The following CLEC2B variants were observed in gnomAD, a reference collection of about 807,000 sequenced individuals.
CLEC2B encodes C-type (calcium dependent, carbohydrate-recognition domain) lectin, superfamily member 2 (activation-induced).
A neutral mutation model predicts 16.2 loss-of-function variants in CLEC2B; 14 were observed. The observed-to-expected ratio is 0.86, with a 90% CI of 0.57 to 1.35. The LOEUF (loss-of-function observed/expected upper bound fraction) is 1.35. Ranked by LOEUF, CLEC2B falls within the 40% of genes most tolerant of loss-of-function variation. The pLI, the probability that CLEC2B is intolerant of heterozygous loss-of-function variation, is 0.00. For missense variants in CLEC2B, 166 were observed against 182.3 expected (o/e 0.91, Z 0.52); for synonymous variants, 42 against 55.8 (o/e 0.75, Z 1.10).
chr12:9,867,737 G>T (rs1047852149), intron 1 of CLEC2B, among the ~76,000 whole-genome samples: 5 of 152,080 alleles, frequency 3.3e-5, no homozygotes, highest in Non-Finnish European at 4.4e-5. Context: ...GAGAACAATG[G>T]ATTTAATTAA....
chr12:9,863,296 A>G (rs370014691), intron 1 of CLEC2B, among the ~76,000 whole-genome samples: 1 of 151,852 alleles, frequency 6.6e-6, no homozygotes, highest in East Asian at 1.9e-4. Flanking sequence ...CCCCACCCCC[A>G]AAAAAATCGA....
At chr12:9,866,305 C>T (rs1160111694) in intron 1 of CLEC2B, among the ~76,000 whole-genome samples, 1 of 152,040 alleles carries the variant, frequency 6.6e-6, no homozygotes, top group Non-Finnish European at 1.5e-5. Flanking sequence ...GTCAGTATGT[C>T]ATTCCGTTTT....
At chr12:9,865,199 A>G (rs1867961911) in intron 1 of CLEC2B, among the ~76,000 whole-genome samples, 2 of 139,784 alleles carry the variant, frequency 1.4e-5, no homozygotes, top group Non-Finnish European at 1.6e-5. Flanking sequence ...AAAAAAAAAA[A>G]AAGCATAAAG....
In CLEC2B at chr12:9,857,652, A is replaced by AAT; in HGVS notation, c.74-17_74-16dup. 6.3e-7 allele frequency: 1 copy of AAT among 1,583,054 alleles called. No individual in the cohort carries two copies. The highest frequency in any genetic ancestry group is 1.1e-5 in the South Asian group (1 of 90,296). The stretch of plus-strand genomic sequence containing the variant: ...AGTTAGTTTAACTGGAAATGAGACA[A>AAT]ATATATATCTTAAGTACCATATAGA... On this transcript the variant is annotated splice_polypyrimidine_tract_variant and intron_variant, in intron 2 of 4. Transcript: ENST00000228438.
chr12:9,868,428 C>G (rs912202244), intron 1 of CLEC2B, among the ~76,000 whole-genome samples: 1 of 151,924 alleles, frequency 6.6e-6, no homozygotes, highest in Non-Finnish European at 1.5e-5. Context: ...TTTTTTTGAC[C>G]GTAGCATACG....
chr12:9,853,781 A>C (rs561318597), intron 4 of CLEC2B, among the ~76,000 whole-genome samples: 2 of 152,264 alleles, frequency 1.3e-5, no homozygotes, highest in Admixed American at 6.5e-5. Flanking sequence ...GGGTGCTGCC[A>C]ATGCCCTACA....
rs1202689137 is a variant in CLEC2B at position 9,858,731 on chromosome 12, T to G, written c.74-1094A>C. On this transcript the variant is annotated intron_variant, in intron 2 of 4. Coordinates refer to ENST00000228438, the MANE Select transcript of CLEC2B (RefSeq NM_005127.3). ...AGGTATGTGTACATATAAGGGTGTATATATACATATACACACATATGTGTA... is the reference window on the plus strand; with the variant it reads ...AGGTATGTGTACATATAAGGGTGTAGATATACATATACACACATATGTGTA... 3.3e-5 allele frequency among the ~76,000 whole-genome samples: 5 copies of G among 151,832 alleles called. No homozygotes were observed. The East Asian group carries it at 9.6e-4, about 29-fold the overall frequency.
chr12:9,856,314 ACAGT>A (rs1162986405), intron 3 of CLEC2B, among the ~76,000 whole-genome samples: 1 of 152,054 alleles, frequency 6.6e-6, no homozygotes, highest in African/African-American at 2.4e-5. Flanking sequence ...ACTGTAAGGA[ACAGT>A]CAGAGTGTTT....
chr12:9,867,796 A>T (rs1042767005), intron 1 of CLEC2B, among the ~76,000 whole-genome samples: 1 of 152,124 alleles, frequency 6.6e-6, no homozygotes, highest in African/African-American at 2.4e-5. Flanking sequence ...CTAAACAGTT[A>T]AGGACTGCAA....
chr12:9,864,149 AT>A (rs1430682986), intron 1 of CLEC2B, among the ~76,000 whole-genome samples: 19 of 117,052 alleles, frequency 1.6e-4, no homozygotes. Context: ...AAGTGATGAC[AT>A]TTTTTAAGTG....
intron 1 of CLEC2B, among the ~76,000 whole-genome samples, chr12:9,868,802 A>T (rs1867991616): frequency 6.6e-6 from 1 of 152,116 alleles, no homozygotes; most frequent in Non-Finnish European, 1.5e-5. Context: ...TAAAGCCCGG[A>T]GTATCTTTAC....
intron 2 of CLEC2B, 24 bp from the exon 3 acceptor site, chr12:9,857,661 C>T (rs371638586): frequency 4.5e-6 from 7 of 1,551,126 alleles, no homozygotes; most frequent in Middle Eastern, 1.8e-4. Context: ...AAATATATAT[C>T]TTAAGTACCA....
chr12:9,860,150 G>A (rs253151), intron 2 of CLEC2B, among the ~76,000 whole-genome samples: 82,161 of 151,288 alleles, frequency 0.54, 22,464 homozygotes, highest in African/African-American at 0.57. Flanking sequence ...GTTATAGCCA[G>A]TAAAATAAGA....
intron 3 of CLEC2B, among the ~76,000 whole-genome samples, chr12:9,855,381 G>A (rs934708901): frequency 9.9e-5 from 15 of 151,924 alleles, no homozygotes; most frequent in African/African-American, 3.6e-4. Flanking sequence ...CAAATAAACA[G>A]ATTAATAAAA....
intron 3 of CLEC2B, 40 bp downstream of exon 3, chr12:9,857,434 C>A (rs369560487): frequency 6.8e-7 from 1 of 1,461,642 alleles, no homozygotes; most frequent in Non-Finnish European, 9.5e-7. Flanking sequence ...AATGCTCCGA[C>A]TCAAGAAAAT....
rs1565514197 is a variant in CLEC2B, at chr12:9,853,318, G to A, written c.432C>T (p.Cys144=). The A allele has an allele frequency of 1.2e-6, 2 of 1,612,006 alleles. No homozygotes were observed. The highest frequency in any genetic ancestry group is 1.7e-6 in the Non-Finnish European group (2 of 1,178,246). The stretch of plus-strand genomic sequence containing the variant: ...CATTAACTTAGTGTATTCTTTTCCT[G>A]CAAATCCATTTTCTTTCGGTGTAAC... ...ARCYTERKWI[C]RKRIH is the part of the protein sequence containing the mutation. Residue 144 remains cysteine, a synonymous_variant, in exon 5 of 5, where the codon TGC becomes TGT. Transcript: ENST00000228438.
At chr12:9,866,928 C>A (rs1298968271) in intron 1 of CLEC2B, 1 of 152,090 alleles carries the variant, frequency 6.6e-6, no homozygotes, top group Admixed American at 6.6e-5. Context: ...AAAATAGGAG[C>A]CCTTTCCATT....
At chr12:9,866,905 G>T (rs985695969) in intron 1 of CLEC2B, 7 of 152,278 alleles carry the variant, frequency 4.6e-5, no homozygotes, top group Non-Finnish European at 5.9e-5. Flanking sequence ...ATGACAATTT[G>T]CAGATACAGC....
intron 2 of CLEC2B, among the ~76,000 whole-genome samples, chr12:9,857,969 A>G (rs1000799929): frequency 6.6e-6 from 1 of 152,120 alleles, no homozygotes; most frequent in Admixed American, 6.6e-5. Flanking sequence ...CCTAAGAGTA[A>G]TACAAGTAAT....
Sources: gnomAD v4.1 joint callset for allele counts (sites outside exome capture counted in the v4.1 genomes callset) on GRCh38, gnomAD v4.1.1 for gene constraint, MANE v1.5 for transcripts, NCBI Gene and HGNC (gene_info 2026-07-23, HGNC 2026-07-21) for gene names.